Variants in TBC1D8B observed in about 807,000 individuals in gnomAD.
TBC1D8B encodes the protein TBC1 domain family member 8B, also known as RP11-321G1.1.
TBC1D8B carries 75 observed loss-of-function variants against 82.9 expected under a neutral mutation model. The ratio of observed to expected loss-of-function variants is 0.90; its 90% CI spans 0.75 to 1.10. The LOEUF is 1.10. Among genes scored for constraint, TBC1D8B ranks in the 50% least tolerant of loss-of-function variants. The pLI, the probability that TBC1D8B is intolerant of heterozygous loss-of-function variation, is 0.00. For synonymous variants in TBC1D8B, 276 were observed against 276.8 expected (o/e 1.00, Z 0.03); for missense variants, 794 against 796.9 (o/e 1.00, Z 0.04).
chrX:106,836,561 G>T (rs73531165), intron 7 of TBC1D8B, among the ~76,000 whole-genome samples: 6,794 of 108,199 alleles, frequency 0.063, 553 homozygotes, highest in African/African-American at 0.23. Context: ...TTTAAGGGAT[G>T]AACTTAAGTG....
At chrX:106,871,538 G>A (rs760787560) in intron 20 of TBC1D8B, among the ~76,000 whole-genome samples, 9 of 111,843 alleles carry the variant, frequency 8.0e-5, no homozygotes, top group African/African-American at 2.9e-4. Flanking sequence ...AGAAGAAAAT[G>A]TCTGTGGCCA....
intron 16 of TBC1D8B, among the ~76,000 whole-genome samples, 175 bp downstream of exon 16, chrX:106,866,208 C>T (rs1030984753): frequency 9.0e-6 from 1 of 111,249 alleles, no homozygotes; most frequent in Admixed American, 9.6e-5. Context: ...ATATTATTTT[C>T]CCCAACCCTT....
At position 106,831,704 on chromosome X, in the gene TBC1D8B, T is replaced by G. The variant is rs1932050227; in HGVS notation, c.1203+4367T>G. Among the ~76,000 whole-genome samples, 3 of 112,040 alleles carry G rather than the reference T, an allele frequency of 2.7e-5. No homozygotes were observed. The South Asian group carries it at 1.1e-3, about 42-fold the overall frequency. Reference sequence around the variant, plus strand: ...TATGCTCAGTTGTCAAGAAAGGATTTTGTTTCAAAATGAGTTTACCATCTT... The same window carrying G: ...TATGCTCAGTTGTCAAGAAAGGATTGTGTTTCAAAATGAGTTTACCATCTT... On this transcript the variant is annotated intron_variant, in intron 7 of 20. Coordinates refer to ENST00000357242, the MANE Select transcript of TBC1D8B (RefSeq NM_017752.3).
At chrX:106,828,956 G>A (rs1216598201) in intron 7 of TBC1D8B, 1 of 107,261 alleles carries the variant, frequency 9.3e-6, no homozygotes, top group Non-Finnish European at 1.9e-5. Flanking sequence ...AATTAGGCAG[G>A]AGAAGGAAAT....
chrX:106,857,478 G>A (rs776113505), intron 14 of TBC1D8B, among the ~76,000 whole-genome samples: 4 of 111,548 alleles, frequency 3.6e-5, no homozygotes, highest in Non-Finnish European at 5.7e-5. Flanking sequence ...GGTAAATTAT[G>A]TGTCACAGGG....
At chrX:106,864,965 T>G (rs1932804270) in intron 14 of TBC1D8B, among the ~76,000 whole-genome samples, 1 of 112,362 alleles carries the variant, frequency 8.9e-6, no homozygotes. Flanking sequence ...ATTTACTGAG[T>G]CTACCGGGTT....
intron 12 of TBC1D8B, among the ~76,000 whole-genome samples, chrX:106,850,801 A>G (rs1932569407): frequency 8.9e-6 from 1 of 111,921 alleles, no homozygotes; most frequent in South Asian, 3.7e-4. Context: ...TATATGCTAA[A>G]TGAATAAATT....
chrX:106,871,770 G>A (rs995147716), intron 20 of TBC1D8B, among the ~76,000 whole-genome samples: 12 of 112,169 alleles, frequency 1.1e-4, no homozygotes, highest in African/African-American at 3.6e-4. Context: ...CTTTGAGTTC[G>A]ATTAATTTGC....
At chrX:106,811,504 G>A (rs1367100654) in intron 1 of TBC1D8B, among the ~76,000 whole-genome samples, 1 of 111,637 alleles carries the variant, frequency 9.0e-6, no homozygotes, top group Non-Finnish European at 1.9e-5. Context: ...ACTCCAGGCA[G>A]GGTGACAGAG....
At chrX:106,820,488 A>G (rs1307280958) in intron 2 of TBC1D8B, among the ~76,000 whole-genome samples, 1 of 111,852 alleles carries the variant, frequency 8.9e-6, no homozygotes, top group African/African-American at 3.2e-5. Flanking sequence ...TATTATAGAC[A>G]CAGCACTAAC....
At chrX:106,864,682 C>A (rs1329429319) in intron 14 of TBC1D8B, among the ~76,000 whole-genome samples, 1 of 110,225 alleles carries the variant, frequency 9.1e-6, no homozygotes, top group Non-Finnish European at 1.9e-5. Context: ...CCACACCTGG[C>A]TAATTTTTGT....
intron 20 of TBC1D8B, among the ~76,000 whole-genome samples, chrX:106,872,455 T>TTATATATATATATATA (rs61326496): frequency 2.5e-4 from 18 of 73,290 alleles, no homozygotes; most frequent in African/African-American, 9.7e-4. Flanking sequence ...AGAAAAATAT[T>TTATATATATATATATA]TATATATATA....
intron 10 of TBC1D8B, among the ~76,000 whole-genome samples, chrX:106,847,060 C>A (rs917463187): frequency 8.9e-6 from 1 of 111,738 alleles, no homozygotes; most frequent in Admixed American, 9.5e-5. Flanking sequence ...AATATGAAGT[C>A]TTTTAAAAAT....
In TBC1D8B at chrX:106,850,181, A is replaced by T; in HGVS notation, c.1994A>T (p.Asn665Ile). The T allele has an allele frequency of 8.3e-7, 1 of 1,211,483 alleles. No homozygotes were observed. The highest frequency in any genetic ancestry group is 2.3e-4 in the Middle Eastern group (1 of 4,353). ...ISVLPIESAV[N>I]VVDCFFYDGI... ...GTGCTACCTATTGAAAGTGCAGTGA[A>T]TGTGGTGGACTGTTTCTTCTATGAT... Residue 665 changes from asparagine to isoleucine, a missense_variant, in exon 12 of 21, where the codon AAT becomes ATT. By Grantham distance (149) the Asn-to-Ile change is moderately radical. Transcript: ENST00000357242.
At position 106,837,108 on chromosome X, in the gene TBC1D8B, A is replaced by G. The variant is rs1302587790; in HGVS notation, c.1204-2200A>G. The stretch of plus-strand genomic sequence containing the variant: ...ATGAAACTCTCAGAGAACACATAGG[A>G]GTTAATCTTCATGATCTTGAATTAG... On this transcript the variant is annotated intron_variant, in intron 7 of 20. Transcript: ENST00000357242. Among the ~76,000 whole-genome samples, 3 of 112,351 alleles carry G rather than the reference A, an allele frequency of 2.7e-5. No individual in the cohort carries two copies. The East Asian group carries it at 8.4e-4, about 31-fold the overall frequency.
At position 106,843,354 on chromosome X, in the gene TBC1D8B, T is replaced by C. The variant is rs190853572; in HGVS notation, c.1719+2470T>C. Among the ~76,000 whole-genome samples the C allele has an allele frequency of 3.2e-3, 354 of 111,936 alleles. 4 individuals carry two copies. Among genetic ancestry groups the C allele is most frequent in the African/African-American group, 0.011 (346 of 30,973 alleles). On this transcript the variant is annotated intron_variant, in intron 10 of 20. Coordinates refer to ENST00000357242, the MANE Select transcript of TBC1D8B (RefSeq NM_017752.3). ...TTTTCTTTGTCTTTATTTTATTTTA[T>C]TTTTTTACCAAATCTCCCCTTCATT...
rs766289652 is a variant in TBC1D8B, at chrX:106,840,684, A to C, written c.1519A>C (p.Met507Leu). Residue 507 changes from methionine to leucine, a missense_variant, in exon 10 of 21, where the codon ATG (methionine) becomes CTG (leucine). Physicochemically the swap from Met to Leu is conservative, Grantham distance 15 (BLOSUM62 2). Transcript: ENST00000357242. ...AATCTTCACAGGTGCTGTTAATGAC[A>C]TGGCTACTAATCCTGACTATTATAC... is the stretch of plus-strand genomic sequence containing the variant. The part of the protein sequence containing the change: ...WMLFSGAVND[M>L]ATNPDYYTEV... The C allele has an allele frequency of 4.1e-6, 5 of 1,208,815 alleles. No individual in the cohort carries two copies. The Admixed American group carries it at 1.1e-4, about 26-fold the overall frequency.
chrX:106,846,697 C>G (rs1483036467), intron 10 of TBC1D8B, among the ~76,000 whole-genome samples: 1 of 111,047 alleles, frequency 9.0e-6, no homozygotes, highest in Non-Finnish European at 1.9e-5. Flanking sequence ...GAAAATGATT[C>G]AGTAAAAACT....
rs111363217 is a variant in TBC1D8B at position 106,858,955 on chromosome X, T to C, written c.2352+4659T>C. 3.5e-3 allele frequency among the ~76,000 whole-genome samples: 392 copies of C among 111,967 alleles called. 3 individuals carry two copies. The highest frequency in any genetic ancestry group is 0.012 in the African/African-American group (376 of 30,794). On this transcript the variant is annotated intron_variant, in intron 14 of 20. Transcript: ENST00000357242. ...TAGCCAGTTATCCCAGCACCATTTA[T>C]TGAATAGGTTGTCCTTTCCCCATTG...
Sources: gnomAD v4.1 joint callset for allele counts (sites outside exome capture counted in the v4.1 genomes callset) on GRCh38, gnomAD v4.1.1 for gene constraint, MANE v1.5 for transcripts, NCBI Gene and HGNC (gene_info 2026-07-23, HGNC 2026-07-21) for gene names.